The following ZNF532 variants were observed in gnomAD, a reference collection of about 807,000 sequenced individuals.
ZNF532 encodes the protein zinc finger protein 532.
ZNF532 carries 22 observed loss-of-function variants against 89.3 expected under a neutral mutation model. The ratio of observed to expected loss-of-function variants is 0.25; its 90% CI spans 0.18 to 0.35. The LOEUF (loss-of-function observed/expected upper bound fraction) is 0.35. ZNF532 is among the 10% of genes least tolerant of loss of function. The probability of loss-of-function intolerance (pLI) is 1.00; values close to 1 mark genes in which losing one functional copy is unlikely to be tolerated. For missense variants in ZNF532, 1,132 were observed against 1,643.4 expected, an observed-to-expected ratio of 0.69 and a Z score of 5.38; for synonymous variants, 606 against 649.6, an observed-to-expected ratio of 0.93 and a Z score of 1.02.
intron 2 of ZNF532, among the ~76,000 whole-genome samples, chr18:58,878,002 C>G (rs1168774893): frequency 6.6e-6 from 1 of 152,064 alleles, no homozygotes; most frequent in Non-Finnish European, 1.5e-5. Flanking sequence ...CACCTGTAAT[C>G]CCAGCACTTT....
intron 8 of ZNF532, 143 bp downstream of exon 8, chr18:58,979,310 GT>G: frequency 1.9e-6 from 1 of 516,230 alleles, no homozygotes. Flanking sequence ...TTGGCATAGA[GT>G]TTTTGGATTG....
At chr18:58,917,132 T>C (rs1215125822) in intron 2 of ZNF532, among the ~76,000 whole-genome samples, 1 of 152,128 alleles carries the variant, frequency 6.6e-6, no homozygotes, top group Non-Finnish European at 1.5e-5. Flanking sequence ...TCTCTTCTCT[T>C]CCCTCTTTCC....
At chr18:58,868,438 GCCC>G (rs1857676098) in intron 2 of ZNF532, among the ~76,000 whole-genome samples, 1 of 152,178 alleles carries the variant, frequency 6.6e-6, no homozygotes, top group African/African-American at 2.4e-5. Flanking sequence ...AGCAGAACAG[GCCC>G]ATCACACCAG....
At chr18:58,961,711 C>T (rs912932893) in intron 7 of ZNF532, among the ~76,000 whole-genome samples, 3 of 152,148 alleles carry the variant, frequency 2.0e-5, no homozygotes, top group African/African-American at 7.2e-5. Flanking sequence ...GGAGGGTAAG[C>T]AGAATGCTGA....
At chr18:58,949,069 CTG>C (rs1472047343) in intron 6 of ZNF532, among the ~76,000 whole-genome samples, 1 of 150,448 alleles carries the variant, frequency 6.6e-6, no homozygotes, top group East Asian at 1.9e-4. Flanking sequence ...TGTAAATGGA[CTG>C]TTAAATATCT....
intron 9 of ZNF532, among the ~76,000 whole-genome samples, chr18:58,982,667 C>T (rs555286085): frequency 1.5e-4 from 23 of 152,276 alleles, no homozygotes; most frequent in South Asian, 1.5e-3. Context: ...GCCCTCCTGT[C>T]TTCGGTGCTA....
At chr18:58,901,949 G>A (rs968138287) in intron 2 of ZNF532, among the ~76,000 whole-genome samples, 2 of 152,144 alleles carry the variant, frequency 1.3e-5, no homozygotes, top group African/African-American at 4.8e-5. Context: ...GGACAGCTAG[G>A]AGTAGACACC....
intron 5 of ZNF532, 86 bp from the exon 6 acceptor site, chr18:58,947,981 C>A: frequency 7.5e-7 from 1 of 1,333,034 alleles, no homozygotes; most frequent in Non-Finnish European, 1.0e-6. Context: ...GTGCCTCTGC[C>A]TCCCAAGTTC....
At chr18:58,920,739 T>TGTGTGTGTGTAC in intron 3 of ZNF532, 106 bp downstream of exon 3, 1 of 5,612 alleles carries the variant, frequency 1.8e-4, no homozygotes, top group Non-Finnish European at 2.7e-4. Context: ...AATGGACGTG[T>TGTGTGTGTGTAC]GTGTGTGTGT....
At chr18:58,930,710 C>G (rs759162677) in intron 3 of ZNF532, among the ~76,000 whole-genome samples, 18 of 151,210 alleles carry the variant, frequency 1.2e-4, no homozygotes, top group Non-Finnish European at 2.5e-4. Context: ...ATACCAACAT[C>G]TGAGAATGCT....
chr18:58,934,843 G>A (rs1259035839), intron 4 of ZNF532, among the ~76,000 whole-genome samples: 1 of 152,058 alleles, frequency 6.6e-6, no homozygotes, highest in Admixed American at 6.5e-5. Context: ...GTCCTTTTAG[G>A]CACACTCTTG....
intron 5 of ZNF532, among the ~76,000 whole-genome samples, chr18:58,940,942 A>ACACACACC (rs2062938854): frequency 7.1e-6 from 1 of 140,890 alleles, no homozygotes; most frequent in African/African-American, 2.5e-5. Context: ...ACACACACAC[A>ACACACACC]CACACACACA....
chr18:58,874,513 T>C (rs1180390726), intron 2 of ZNF532, among the ~76,000 whole-genome samples: 1 of 152,190 alleles, frequency 6.6e-6, no homozygotes, highest in East Asian at 1.9e-4. Flanking sequence ...CACAACTAAT[T>C]TTTGTTTTTT....
intron 2 of ZNF532, among the ~76,000 whole-genome samples, chr18:58,875,744 A>G (rs1032362141): frequency 2.0e-5 from 3 of 152,166 alleles, no homozygotes; most frequent in Non-Finnish European, 2.9e-5. Flanking sequence ...CTCCACTAGT[A>G]GGTGATCGAC....
intron 2 of ZNF532, among the ~76,000 whole-genome samples, chr18:58,875,678 G>A (rs564926363): frequency 2.6e-4 from 40 of 152,266 alleles, no homozygotes; most frequent in Middle Eastern, 3.4e-3. Flanking sequence ...TCCCCTGTAA[G>A]GTTATACTTC....
chr18:58,878,160 CAGG>C (rs2057589034), intron 2 of ZNF532, among the ~76,000 whole-genome samples: 1 of 152,052 alleles, frequency 6.6e-6, no homozygotes, highest in African/African-American at 2.4e-5. Flanking sequence ...GAGGCTGAGT[CAGG>C]AGAATCACTT....
chr18:58,864,872 A>G (rs557393320), upstream of ZNF532: 3 of 152,414 alleles, frequency 2.0e-5, no homozygotes, highest in South Asian at 4.1e-4. Context: ...TCACTGAGCT[A>G]CTACAGTAGG....
At chr18:58,960,031 C>T (rs891639316) in intron 7 of ZNF532, among the ~76,000 whole-genome samples, 1 of 152,168 alleles carries the variant, frequency 6.6e-6, no homozygotes, top group Non-Finnish European at 1.5e-5. Flanking sequence ...CTCCACCTCC[C>T]AGGTTCAAGC....
At chr18:58,963,638 T>TGTGC (rs2065595920) in intron 7 of ZNF532, among the ~76,000 whole-genome samples, 1 of 147,734 alleles carries the variant, frequency 6.8e-6, no homozygotes, top group Non-Finnish European at 1.5e-5. Context: ...TGTGTGTGTG[T>TGTGC]GTGTGTGTAT....
Sources: allele counts gnomAD v4.1 joint callset (sites outside exome capture counted in the v4.1 genomes callset), GRCh38; gene constraint gnomAD v4.1.1; transcripts MANE v1.5; gene names NCBI Gene and HGNC (gene_info 2026-07-23, HGNC 2026-07-21).